The following PRR16 variants were observed in gnomAD, a reference collection of about 807,000 sequenced individuals.
PRR16 encodes the protein proline rich 16.
PRR16 carries 6 observed loss-of-function variants against 18.2 expected under a neutral mutation model. The observed-to-expected ratio is 0.33, with a 90% confidence interval of 0.18 to 0.65. PRR16 has a LOEUF of 0.65. Ranked by LOEUF, PRR16 falls within the 30% of genes least tolerant of loss-of-function variation. The pLI, the probability that PRR16 is intolerant of heterozygous loss-of-function variation, is 0.74. For synonymous variants in PRR16, 151 were observed against 147.8 expected (o/e 1.02, Z -0.16); for missense variants, 412 against 376.6 (o/e 1.09, Z -0.78).
At chr5:120,666,345 A>G (rs1333045214) in intron 1 of PRR16, among the ~76,000 whole-genome samples, 2 of 152,172 alleles carry the variant, frequency 1.3e-5, no homozygotes, top group African/African-American at 4.8e-5. Flanking sequence ...TTGTCAGCTT[A>G]AGGAGATTTT....
At chr5:120,715,783 C>T in the PRR16 span, among the ~76,000 whole-genome samples, 1 of 152,176 alleles carries the variant, frequency 6.6e-6, no homozygotes, top group Non-Finnish European at 1.5e-5. Flanking sequence ...TGTTGCTGTT[C>T]TCCTTCCCAA....
intron 1 of PRR16, among the ~76,000 whole-genome samples, chr5:120,641,400 C>G (rs13356254): frequency 0.059 from 8,959 of 152,104 alleles, 325 homozygotes; most frequent in South Asian, 0.083. Context: ...TATGTAAGTA[C>G]TGTATAGTTT....
At chr5:120,719,345 A>G in the PRR16 span, among the ~76,000 whole-genome samples, 2 of 152,066 alleles carry the variant, frequency 1.3e-5, no homozygotes, top group African/African-American at 4.8e-5. Context: ...AATGTCAGAT[A>G]AATTGTAGAA....
chr5:120,490,395 ATTCTT>A (rs1749985917), intron 1 of PRR16, among the ~76,000 whole-genome samples: 1 of 151,834 alleles, frequency 6.6e-6, no homozygotes. Flanking sequence ...GCTTCATTTC[ATTCTT>A]TTCGTCTTCC....
Position 120,552,691 on chromosome 5 carries a change from A to G in PRR16, c.159+88046A>G, listed in dbSNP as rs144210436. 2.1e-4 allele frequency among the ~76,000 whole-genome samples: 32 copies of G among 152,082 alleles called. 1 individual carries two copies. The East Asian group carries it at 6.0e-3, about 29-fold the overall frequency. ...TTGGTTGTGGAGCATCCTTGTGGAAATGAACCACATGCATTTTTTCCTGCA... is the reference window on the plus strand; with the variant it reads ...TTGGTTGTGGAGCATCCTTGTGGAAGTGAACCACATGCATTTTTTCCTGCA... On this transcript the variant is annotated intron_variant, in intron 1 of 1. Coordinates refer to ENST00000407149, the MANE Select transcript of PRR16 (RefSeq NM_001300783.2).
chr5:120,766,873 G>A, the PRR16 span, among the ~76,000 whole-genome samples: 1 of 151,990 alleles, frequency 6.6e-6, no homozygotes, highest in Admixed American at 6.6e-5. Flanking sequence ...GTCAATTCTG[G>A]CAGGTAGAAT....
intron 1 of PRR16, among the ~76,000 whole-genome samples, chr5:120,566,391 G>C (rs1241379805): frequency 2.6e-5 from 4 of 152,172 alleles, no homozygotes; most frequent in Non-Finnish European, 5.9e-5. Context: ...CAGGTTGTGT[G>C]ACTCTTCCTG....
At chr5:120,484,488 G>GAT (rs1381423497) in intron 1 of PRR16, among the ~76,000 whole-genome samples, 1 of 141,754 alleles carries the variant, frequency 7.1e-6, no homozygotes, top group African/African-American at 2.6e-5. Context: ...AATTAGATAT[G>GAT]ATATATAATA....
At chr5:120,772,154 A>C in the PRR16 span, among the ~76,000 whole-genome samples, 2 of 152,146 alleles carry the variant, frequency 1.3e-5, no homozygotes, top group East Asian at 3.8e-4. Context: ...CAAGTAAATG[A>C]ATCTTTTCAA....
At chr5:120,780,216 G>T in the PRR16 span, among the ~76,000 whole-genome samples, 1 of 152,126 alleles carries the variant, frequency 6.6e-6, no homozygotes, top group Non-Finnish European at 1.5e-5. Context: ...TGTATTTAGA[G>T]TTCATCAGCA....
chr5:120,624,272 G>A (rs1031903952), intron 1 of PRR16, among the ~76,000 whole-genome samples: 3 of 152,098 alleles, frequency 2.0e-5, no homozygotes, highest in African/African-American at 4.8e-5. Context: ...CAGGATTTAA[G>A]ATGAAACCGA....
chr5:120,748,004 A>G, the PRR16 span, among the ~76,000 whole-genome samples: 1 of 152,208 alleles, frequency 6.6e-6, no homozygotes, highest in African/African-American at 2.4e-5. Context: ...CGTTGCTGCC[A>G]TATATTTCTC....
chr5:120,535,590 G>A (rs1314614365), intron 1 of PRR16, among the ~76,000 whole-genome samples: 8 of 150,486 alleles, frequency 5.3e-5, no homozygotes, highest in Admixed American at 4.0e-4. Flanking sequence ...GCTTGAGCTC[G>A]AGAGTTCAAA....
chr5:120,480,857 A>G (rs1412881505), intron 1 of PRR16, among the ~76,000 whole-genome samples: 3 of 152,248 alleles, frequency 2.0e-5, no homozygotes, highest in African/African-American at 7.2e-5. Flanking sequence ...AATTGTGAGG[A>G]AAGTAAACCA....
the PRR16 span, among the ~76,000 whole-genome samples, chr5:120,768,175 C>T: frequency 6.6e-6 from 1 of 151,814 alleles, no homozygotes; most frequent in Non-Finnish European, 1.5e-5. Context: ...TTCCACTCAA[C>T]CTTAATACAT....
chr5:120,722,617 G>C, the PRR16 span, among the ~76,000 whole-genome samples: 2 of 151,994 alleles, frequency 1.3e-5, no homozygotes, highest in African/African-American at 4.8e-5. Flanking sequence ...CCTGGTAAAA[G>C]AACTAATGAA....
At chr5:120,472,832 G>C (rs1749313042) in intron 1 of PRR16, among the ~76,000 whole-genome samples, 2 of 151,986 alleles carry the variant, frequency 1.3e-5, no homozygotes, top group African/African-American at 2.4e-5. Flanking sequence ...GCTGTAGAAT[G>C]CTTGTGTGTC....
At position 120,628,669 on chromosome 5, in the gene PRR16, AT is replaced by A. The variant is rs550683471; in HGVS notation, c.160-57284del. The stretch of plus-strand genomic sequence containing the variant: ...CTACCTTCTATCTATCTACCTACCT[AT>A]CTATCTATCTATCTATCATTCTACC... On this transcript the variant is annotated intron_variant, in intron 1 of 1. Transcript: ENST00000407149. 8.1e-3 allele frequency among the ~76,000 whole-genome samples: 874 copies of A among 108,044 alleles called. 11 individuals carry two copies. Among genetic ancestry groups the A allele is most frequent in the African/African-American group, 0.02 (730 of 36,266 alleles). 70.9% of individuals were successfully genotyped at this position (108,044 alleles called of 152,430 possible). A position where few individuals can be genotyped will look rare whatever the true frequency, so the allele number is the denominator to read the frequency against.
the PRR16 span, among the ~76,000 whole-genome samples, chr5:120,779,421 CAAAACA>C: frequency 6.6e-6 from 1 of 151,908 alleles, no homozygotes; most frequent in Non-Finnish European, 1.5e-5. Flanking sequence ...CAAAACAAAA[CAAAACA>C]AAAAAACACA....
Sources: allele counts gnomAD v4.1 joint callset (sites outside exome capture counted in the v4.1 genomes callset), GRCh38; gene constraint gnomAD v4.1.1; transcripts MANE v1.5; gene names NCBI Gene and HGNC (gene_info 2026-07-23, HGNC 2026-07-21).